Variants in TLN2 observed in about 807,000 individuals in gnomAD.
The protein encoded by TLN2 is talin-2.
A neutral mutation model predicts 294.7 loss-of-function variants in TLN2; 118 were observed. The observed-to-expected ratio is 0.40, with a 90% CI of 0.34 to 0.47. TLN2 has a LOEUF of 0.47. Ranked by LOEUF, TLN2 falls within the 20% of genes least tolerant of loss-of-function variation. The probability of loss-of-function intolerance (pLI) is 0.84; values close to 1 mark genes in which losing one functional copy is unlikely to be tolerated. For missense variants in TLN2, 3,083 were observed against 3,282.2 expected (o/e 0.94, Z 1.48); for synonymous variants, 1,431 against 1,304.5 (o/e 1.10, Z -2.09).
intron 1 of TLN2, among the ~76,000 whole-genome samples, chr15:62,494,406 C>T (rs1365366552): frequency 6.6e-6 from 1 of 152,076 alleles, no homozygotes; most frequent in Non-Finnish European, 1.5e-5. Context: ...TGTTAATTCT[C>T]CTCCAGGCAG....
chr15:62,708,495 A>G lies in TLN2; in HGVS notation c.2173-7A>G. 1 of 1,610,840 alleles carries G rather than the reference A, an allele frequency of 6.2e-7. No individual in the cohort carries two copies. The highest frequency in any genetic ancestry group is 8.5e-7 in the Non-Finnish European group (1 of 1,177,338). ...AGTGCCCAAAACCTGTTCCTGTCTC[A>G]CTTCAGGTTGTGAGCCCCACTATTA... On this transcript the variant is annotated splice_polypyrimidine_tract_variant and splice_region_variant and intron_variant, in intron 20 of 58. Coordinates refer to ENST00000636159, the MANE Select transcript of TLN2 (RefSeq NM_015059.3).
intron 3 of TLN2, chr15:62,640,241 T>G (rs1345676165): frequency 2.2e-6 from 1 of 455,906 alleles, no homozygotes; most frequent in Non-Finnish European, 4.4e-6. Flanking sequence ...TTGGTGTTTC[T>G]TTGAGAGAGC....
intron 7 of TLN2, among the ~76,000 whole-genome samples, chr15:62,653,849 AT>A (rs2052894082): frequency 6.6e-6 from 1 of 152,174 alleles, no homozygotes; most frequent in Non-Finnish European, 1.5e-5. Context: ...TTGTCTAAAA[AT>A]TTTTTTAATA....
intron 44 of TLN2, among the ~76,000 whole-genome samples, chr15:62,783,326 C>T (rs542617338): frequency 6.6e-5 from 10 of 152,360 alleles, no homozygotes; most frequent in East Asian, 1.9e-4. Flanking sequence ...GATCAGCCCC[C>T]GACAGAAGCC....
At chr15:62,425,134 G>A (rs1595773819) in intron 1 of TLN2, among the ~76,000 whole-genome samples, 1 of 151,912 alleles carries the variant, frequency 6.6e-6, no homozygotes, top group Non-Finnish European at 1.5e-5. Context: ...TGTATTTTTA[G>A]TAGAGGCGGG....
intron 57 of TLN2, among the ~76,000 whole-genome samples, chr15:62,837,419 A>G (rs2069832510): frequency 6.6e-6 from 1 of 152,198 alleles, no homozygotes; most frequent in African/African-American, 2.4e-5. Context: ...AAAACTTTTC[A>G]GGGGTTTCAT....
At chr15:62,426,875 C>A (rs1346199378) in intron 1 of TLN2, among the ~76,000 whole-genome samples, 1 of 152,178 alleles carries the variant, frequency 6.6e-6, no homozygotes, top group Non-Finnish European at 1.5e-5. Context: ...GAATCACTTT[C>A]TGTGCTTGTT....
intron 39 of TLN2, among the ~76,000 whole-genome samples, chr15:62,762,893 A>C (rs2062764633): frequency 6.6e-6 from 1 of 152,216 alleles, no homozygotes; most frequent in African/African-American, 2.4e-5. Context: ...CTAATAAGAC[A>C]AAGAATATTC....
At chr15:62,591,283 G>A (rs141851647) in intron 2 of TLN2, among the ~76,000 whole-genome samples, 77 of 152,286 alleles carry the variant, frequency 5.1e-4, no homozygotes, top group Admixed American at 6.5e-4. Context: ...AGCAGCCATA[G>A]ACTAACCAAA....
chr15:62,700,365 G>C (rs1331166229), intron 16 of TLN2, among the ~76,000 whole-genome samples: 5 of 152,134 alleles, frequency 3.3e-5, no homozygotes, highest in Non-Finnish European at 7.4e-5. Flanking sequence ...CATTTATTAG[G>C]TAAGTTCTGA....
At chr15:62,769,430 G>A (rs1274666471) in intron 41 of TLN2, among the ~76,000 whole-genome samples, 1 of 152,160 alleles carries the variant, frequency 6.6e-6, no homozygotes, top group African/African-American at 2.4e-5. Flanking sequence ...CTGCCCTGGC[G>A]TCGCTCATGT....
At chr15:62,507,272 C>T (rs962496106) in intron 1 of TLN2, among the ~76,000 whole-genome samples, 3 of 152,126 alleles carry the variant, frequency 2.0e-5, no homozygotes, top group East Asian at 3.8e-4. Context: ...TTTCTCAAGA[C>T]GAAGTTATCA....
At chr15:62,562,901 T>G (rs374449456) in intron 1 of TLN2, among the ~76,000 whole-genome samples, 32 of 132,722 alleles carry the variant, frequency 2.4e-4, no homozygotes, top group African/African-American at 6.7e-4. Flanking sequence ...CTGAGTAGTA[T>G]TCCATCACAC....
At chr15:62,555,629 T>G (rs1162480845) in intron 1 of TLN2, among the ~76,000 whole-genome samples, 1 of 152,236 alleles carries the variant, frequency 6.6e-6, no homozygotes, top group Non-Finnish European at 1.5e-5. Context: ...TTTAAAAATA[T>G]TTATCTGTCT....
chr15:62,601,592 A>G (rs1567173255), intron 2 of TLN2, among the ~76,000 whole-genome samples: 1 of 152,210 alleles, frequency 6.6e-6, no homozygotes. Flanking sequence ...CTGGCAATTG[A>G]TGATCATTGC....
At position 62,707,272 on chromosome 15, in the gene TLN2, C is replaced by T. The variant is rs1403620338; in HGVS notation, c.2172+19C>T. ...TGCCAAGGTAAGCCAGCTGGCACCC[C>T]AGCCCTTTCTACCCAGTATCACCTG... On this transcript the variant is annotated intron_variant, in intron 20 of 58. Coordinates refer to ENST00000636159, the MANE Select transcript of TLN2 (RefSeq NM_015059.3). 18 of 1,598,242 alleles carry T rather than the reference C, an allele frequency of 1.1e-5. No homozygotes were observed. The highest frequency in any genetic ancestry group is 1.5e-5 in the Non-Finnish European group (17 of 1,169,444).
chr15:62,694,830 G>A (rs149953816), intron 14 of TLN2, among the ~76,000 whole-genome samples: 31 of 152,268 alleles, frequency 2.0e-4, no homozygotes, highest in Middle Eastern at 3.4e-3. Flanking sequence ...CGCTTGTCTC[G>A]AGTGCTGTGA....
intron 6 of TLN2, among the ~76,000 whole-genome samples, chr15:62,652,464 C>G (rs1470532527): frequency 2.0e-5 from 3 of 152,236 alleles, no homozygotes; most frequent in African/African-American, 7.2e-5. Flanking sequence ...TCCTTGAGTA[C>G]TTACGATGAC....
At chr15:62,409,616 A>G (rs1386355394) in intron 1 of TLN2, among the ~76,000 whole-genome samples, 2 of 152,192 alleles carry the variant, frequency 1.3e-5, no homozygotes, top group African/African-American at 2.4e-5. Flanking sequence ...TATGTGAAAT[A>G]TATTTTAGAT....
Sources: gnomAD v4.1 joint callset for allele counts (sites outside exome capture counted in the v4.1 genomes callset) on GRCh38, gnomAD v4.1.1 for gene constraint, MANE v1.5 for transcripts, NCBI Gene and HGNC (gene_info 2026-07-23, HGNC 2026-07-21) for gene names.